TANC1: variants seen among roughly 807,000 people sequenced by gnomAD.
The protein encoded by TANC1 is protein TANC1.
In TANC1, 77 loss-of-function variants were observed where a neutral mutation model predicts 149.7. The observed-to-expected ratio is 0.51, with a 90% CI of 0.43 to 0.62. TANC1 has a LOEUF of 0.62. Ranked by LOEUF, TANC1 falls within the 20% of genes least tolerant of loss-of-function variation. The pLI is 0.00. For missense variants in TANC1, 1,985 were observed against 2,321.8 expected, an observed-to-expected ratio of 0.85 and a Z score of 2.98; for synonymous variants, 854 against 925.0, an observed-to-expected ratio of 0.92 and a Z score of 1.39.
At chr2:159,067,320 A>G (rs1232256189) in intron 3 of TANC1, among the ~76,000 whole-genome samples, 1 of 152,226 alleles carries the variant, frequency 6.6e-6, no homozygotes, top group Non-Finnish European at 1.5e-5. Flanking sequence ...TAGAGCCTTT[A>G]TTGCAAGGCT....
chr2:159,121,436 T>G (rs1408153349), intron 4 of TANC1, among the ~76,000 whole-genome samples: 1 of 152,200 alleles, frequency 6.6e-6, no homozygotes, highest in African/African-American at 2.4e-5. Context: ...TGGGTTCAAG[T>G]GATTCTTCTG....
chr2:159,136,037 TGTGTGTGTGTGTGCGCGC>T (rs762822706), intron 4 of TANC1, among the ~76,000 whole-genome samples, 139 bp from the exon 5 acceptor site: 14,124 of 76,154 alleles, frequency 0.19, 1,097 homozygotes, highest in East Asian at 0.42. Context: ...TGTGTGTGTG[TGTGTGTGTGTGTGCGCGC>T]GCGCGCGTTT....
intron 2 of TANC1, among the ~76,000 whole-genome samples, chr2:159,017,877 AT>A (rs1275086392): frequency 6.6e-6 from 1 of 152,200 alleles, no homozygotes; most frequent in Non-Finnish European, 1.5e-5. Flanking sequence ...AGTAAAATAA[AT>A]AAAAAAGAAA....
chr2:159,159,923 A>T (rs1480256486), intron 7 of TANC1, among the ~76,000 whole-genome samples: 1 of 152,080 alleles, frequency 6.6e-6, no homozygotes, highest in East Asian at 1.9e-4. Context: ...TGGGAGGCTG[A>T]TGCAGGAGGA....
chr2:159,192,863 T>C (rs184986646), intron 16 of TANC1, among the ~76,000 whole-genome samples: 1 of 152,324 alleles, frequency 6.6e-6, no homozygotes, highest in Non-Finnish European at 1.5e-5. Flanking sequence ...TTCTTCAGGC[T>C]GGTCTCGAAC....
chr2:159,118,842 G>C (rs2048562845), intron 4 of TANC1, among the ~76,000 whole-genome samples: 1 of 152,020 alleles, frequency 6.6e-6, no homozygotes, highest in Admixed American at 6.6e-5. Context: ...CATGCTGTTC[G>C]AGTAGCTAAA....
chr2:159,143,769 C>G (rs1314937946), intron 5 of TANC1, among the ~76,000 whole-genome samples: 1 of 152,022 alleles, frequency 6.6e-6, no homozygotes, highest in Non-Finnish European at 1.5e-5. Flanking sequence ...CAGCTGTCCT[C>G]TATTTAATTG....
intron 2 of TANC1, among the ~76,000 whole-genome samples, chr2:159,040,874 C>T (rs2040577400): frequency 6.6e-6 from 1 of 152,212 alleles, no homozygotes; most frequent in South Asian, 2.1e-4. Flanking sequence ...CTTTTCTGCT[C>T]TGGTTTCTTA....
At chr2:159,159,453 A>C (rs2053782391) in intron 7 of TANC1, among the ~76,000 whole-genome samples, 2 of 151,938 alleles carry the variant, frequency 1.3e-5, no homozygotes, top group Non-Finnish European at 1.5e-5. Flanking sequence ...AAAAAAAAAA[A>C]AAAACTTTGG....
Position 159,230,760 on chromosome 2 carries a change from T to C in TANC1, c.5334T>C (p.Tyr1778=), listed in dbSNP as rs1042336219. The C allele has an allele frequency of 3.1e-6, 5 of 1,614,072 alleles. No individual in the cohort carries two copies. The highest frequency in any genetic ancestry group is 4.2e-6 in the Non-Finnish European group (5 of 1,180,042). ...EKPSLMQVGG[Y]NNQAKTCSVS... is the part of the protein sequence containing the mutation. ...CCTCTCTCATGCAAGTGGGAGGATA[T>C]AATAACCAAGCCAAAACCTGTTCTG... The change falls in exon 27 of 27, where the codon TAT becomes TAC. Residue 1778 remains tyrosine (Y), a synonymous_variant. Transcript: ENST00000263635. This position sits in a 1 kb window ranked among gnomAD's most constrained non-coding sequence, Gnocchi z 4.4.
Position 159,224,311 on chromosome 2 carries a change from G to C in TANC1, c.3758G>C (p.Gly1253Ala). 1 of 1,614,172 alleles carries C rather than the reference G, an allele frequency of 6.2e-7. No homozygotes were observed. The highest frequency in any genetic ancestry group is 8.5e-7 in the Non-Finnish European group (1 of 1,180,032). ...SGMRPLDRAI[G>A]CRNTSVVVAL... is the part of the protein sequence containing the mutation. ...ATGCGGCCCTTGGACAGAGCCATCG[G>C]CTGCCGGAACACATCTGTAGTGGTG... The change falls in exon 23 of 27, where the codon GGC (glycine) becomes GCC (alanine). Residue 1253 changes from glycine to alanine, a missense_variant. Coordinates refer to ENST00000263635, the MANE Select transcript of TANC1 (RefSeq NM_033394.3).
chr2:159,176,678 T>A (rs1241772869), intron 13 of TANC1, among the ~76,000 whole-genome samples, 160 bp downstream of exon 13: 2 of 152,166 alleles, frequency 1.3e-5, no homozygotes, highest in African/African-American at 2.4e-5. Flanking sequence ...TGGGTGAAAC[T>A]CTGACCTTTT....
intron 3 of TANC1, among the ~76,000 whole-genome samples, chr2:159,095,690 C>T (rs13036045): frequency 0.4 from 56,540 of 142,430 alleles, 11,822 homozygotes; most frequent in East Asian, 0.77. Context: ...GAGTCGAGAT[C>T]GTGCCACTGC....
rs1340255254 is a variant in TANC1, at chr2:159,163,486, C to T, written c.886C>T (p.Pro296Ser). 1.9e-6 allele frequency: 3 copies of T among 1,613,642 alleles called. No homozygotes were observed. The African/African-American group carries it at 4.0e-5, about 22-fold the overall frequency. The part of the protein sequence containing the change: ...PKAESSAGDG[P>S]VPYSQGSSSL... ...AGCAGAATCCTCAGCTGGAGATGGT[C>T]CAGTCCCTTATTCTCAGGGCTCCAG... is the stretch of plus-strand genomic sequence containing the variant. Residue 296 changes from proline (P) to serine (S), a missense_variant, in exon 8 of 27, where the codon CCA becomes TCA. Physicochemically the swap from Pro to Ser is moderately conservative, Grantham distance 74 (BLOSUM62 -1). Transcript: ENST00000263635.
chr2:159,028,567 TCTAA>T (rs2039536258), intron 2 of TANC1, among the ~76,000 whole-genome samples: 1 of 152,226 alleles, frequency 6.6e-6, no homozygotes, highest in Non-Finnish European at 1.5e-5. Flanking sequence ...ACACATGAGA[TCTAA>T]CTCCTAACAA....
At chr2:159,057,621 A>G (rs920253446) in intron 2 of TANC1, among the ~76,000 whole-genome samples, 2 of 152,216 alleles carry the variant, frequency 1.3e-5, no homozygotes, top group Admixed American at 1.3e-4. Context: ...GTTTTTAGGT[A>G]CAATAATTCC....
intron 18 of TANC1, among the ~76,000 whole-genome samples, chr2:159,198,372 C>T (rs2058016156): frequency 6.6e-6 from 1 of 152,274 alleles, no homozygotes; most frequent in East Asian, 1.9e-4. Context: ...TGGAAGGTGG[C>T]TTTGTCGTGT....
rs549808945 is a variant in TANC1 at position 159,008,090 on chromosome 2, C to T, written c.-16+6901C>T. Reference sequence around the variant, plus strand: ...AAAATTTGCCCCTGTGGATCAAAATCAAATTTTTTGAGTGGTTTTATTTTT... The same window carrying T: ...AAAATTTGCCCCTGTGGATCAAAATTAAATTTTTTGAGTGGTTTTATTTTT... On this transcript the variant is annotated intron_variant, in intron 2 of 26. Transcript: ENST00000263635. Among the ~76,000 whole-genome samples, 6 of 152,296 alleles carry T rather than the reference C, an allele frequency of 3.9e-5. No homozygotes were observed. In the East Asian group the frequency reaches 1.2e-3, roughly 29 times the overall value.
intron 9 of TANC1, 104 bp downstream of exon 9, chr2:159,169,476 G>T (rs2054955080): frequency 4.1e-6 from 5 of 1,205,522 alleles, no homozygotes. Context: ...TTTATAACAT[G>T]ATGGAAAGTG....
Sources: allele counts gnomAD v4.1 joint callset (sites outside exome capture counted in the v4.1 genomes callset), GRCh38; gene constraint gnomAD v4.1.1; non-coding constraint Gnocchi (gnomAD v3.1); transcripts MANE v1.5; gene names NCBI Gene and HGNC (gene_info 2026-07-23, HGNC 2026-07-21).